The following ROBO2 variants were observed in gnomAD, a reference collection of about 807,000 sequenced individuals.
ROBO2 encodes roundabout homolog 2.
Under a neutral mutation model 160.8 loss-of-function variants are expected in ROBO2, and 53 were observed. The observed-to-expected ratio is 0.33, with a 90% CI of 0.26 to 0.41. ROBO2 has a LOEUF of 0.41. Among genes scored for constraint, ROBO2 ranks in the 10% least tolerant of loss-of-function variants. ROBO2 has a pLI of 1.00. For missense variants in ROBO2, 1,577 were observed against 1,722.4 expected, an observed-to-expected ratio of 0.92 and a Z score of 1.49; for synonymous variants, 664 against 611.7, an observed-to-expected ratio of 1.09 and a Z score of -1.26.
chr3:76,566,109 C>T (rs1039176303), intron 2 of ROBO2, among the ~76,000 whole-genome samples: 1 of 152,090 alleles, frequency 6.6e-6, no homozygotes, highest in African/African-American at 2.4e-5. Context: ...GTGTAGACTG[C>T]GTGTGAAGGC....
At chr3:77,247,742 T>C (rs2089895148) in intron 2 of ROBO2, among the ~76,000 whole-genome samples, 1 of 152,202 alleles carries the variant, frequency 6.6e-6, no homozygotes, top group African/African-American at 2.4e-5. Flanking sequence ...TTTCCCTTAG[T>C]ATCTCGAAGC....
At chr3:76,027,451 G>A (rs924538461) in intron 2 of ROBO2, among the ~76,000 whole-genome samples, 1 of 151,856 alleles carries the variant, frequency 6.6e-6, no homozygotes, top group East Asian at 1.9e-4. Flanking sequence ...CAAGGGGCAG[G>A]GAAGTGAGCA....
chr3:76,214,908 C>A (rs903650522), intron 2 of ROBO2, among the ~76,000 whole-genome samples: 2 of 152,144 alleles, frequency 1.3e-5, no homozygotes, highest in Admixed American at 6.5e-5. Context: ...TGGGAGGCAC[C>A]CCTCAGTATG....
chr3:76,048,096 C>T (rs777079828), intron 2 of ROBO2, among the ~76,000 whole-genome samples: 7 of 151,924 alleles, frequency 4.6e-5, no homozygotes, highest in Middle Eastern at 3.2e-3. Flanking sequence ...ATTTAGTCAT[C>T]GTAAAACATT....
At chr3:77,625,671 C>G (rs528466813) in intron 23 of ROBO2, among the ~76,000 whole-genome samples, 1 of 152,228 alleles carries the variant, frequency 6.6e-6, no homozygotes, top group Admixed American at 6.5e-5. Context: ...CCACTGCGGC[C>G]GGCCCATGCA....
At chr3:76,191,287 C>T (rs146738480) in intron 2 of ROBO2, among the ~76,000 whole-genome samples, 14 of 152,180 alleles carry the variant, frequency 9.2e-5, no homozygotes, top group East Asian at 7.7e-4. Context: ...TCTCTTCATA[C>T]GTGAAACTCC....
intron 2 of ROBO2, among the ~76,000 whole-genome samples, chr3:77,278,146 G>T (rs2060015335): frequency 6.6e-6 from 1 of 152,020 alleles, no homozygotes; most frequent in South Asian, 2.1e-4. Context: ...TTATATTTTG[G>T]TTCTTATAGA....
At chr3:77,498,578 G>T (rs1448855516) in intron 5 of ROBO2, among the ~76,000 whole-genome samples, 1 of 151,196 alleles carries the variant, frequency 6.6e-6, no homozygotes, top group Non-Finnish European at 1.5e-5. Flanking sequence ...GATTCTTTAA[G>T]AAAAGAAACT....
rs549683888 is a variant in ROBO2, at chr3:76,478,962, C to T, written c.109+541360C>T. On this transcript the variant is annotated intron_variant, in intron 2 of 26. Transcript: ENST00000487694. Reference sequence around the variant, plus strand: ...ACAGGTGTGAACCATCACATCCAGCCTAACTTCACACACTGTTAACTAGAA... The same window carrying T: ...ACAGGTGTGAACCATCACATCCAGCTTAACTTCACACACTGTTAACTAGAA... 2.6e-5 allele frequency among the ~76,000 whole-genome samples: 4 copies of T among 152,156 alleles called. No homozygotes were observed. The South Asian group carries it at 8.3e-4, about 32-fold the overall frequency.
chr3:76,448,600 C>T lies in ROBO2; in HGVS notation c.109+510998C>T, dbSNP rs140293423. On this transcript the variant is annotated intron_variant, in intron 2 of 26. Transcript: ENST00000487694. The stretch of plus-strand genomic sequence containing the variant: ...CTCTATAACTGTTACTAAACAGTTC[C>T]ATGGATATTCATTTCATAGCCATTA... 9.9e-4 allele frequency among the ~76,000 whole-genome samples: 151 copies of T among 152,254 alleles called. 2 individuals carry two copies. In the East Asian group the frequency reaches 0.023, roughly 23 times the overall value.
At chr3:77,457,004 C>T (rs1052858474) in intron 2 of ROBO2, among the ~76,000 whole-genome samples, 1 of 152,146 alleles carries the variant, frequency 6.6e-6, no homozygotes, top group Non-Finnish European at 1.5e-5. Context: ...TCAGATAAAC[C>T]TTGCTATTTG....
intron 8 of ROBO2, among the ~76,000 whole-genome samples, chr3:77,555,933 G>A (rs2093102131): frequency 6.6e-6 from 1 of 151,694 alleles, no homozygotes; most frequent in Non-Finnish European, 1.5e-5. Flanking sequence ...TTCAAAAGGT[G>A]ATGAGCTACT....
In ROBO2 at chr3:76,456,322, G is replaced by A. The variant is rs146269325; in HGVS notation, c.109+518720G>A. 6.4e-3 allele frequency among the ~76,000 whole-genome samples: 979 copies of A among 152,238 alleles called. 10 individuals carry two copies. Among genetic ancestry groups the A allele is most frequent in the Non-Finnish European group, 9.2e-3 (625 of 68,002 alleles). On this transcript the variant is annotated intron_variant, in intron 2 of 26. Transcript: ENST00000487694. The stretch of plus-strand genomic sequence containing the variant: ...GGTAGAAATTTAATGACATTCCATT[G>A]GTTTGTTCAATTTTTATTGTTCTAA...
At chr3:76,403,820 T>G (rs2077984515) in intron 2 of ROBO2, among the ~76,000 whole-genome samples, 1 of 151,654 alleles carries the variant, frequency 6.6e-6, no homozygotes, top group Non-Finnish European at 1.5e-5. Flanking sequence ...AATGTCAACA[T>G]TTTGCTCTGA....
chr3:76,939,645 G>T (rs1416346681), intron 2 of ROBO2, among the ~76,000 whole-genome samples: 1 of 152,082 alleles, frequency 6.6e-6, no homozygotes. Context: ...TTAGCCAGGC[G>T]TGGTGATGCA....
intron 6 of ROBO2, among the ~76,000 whole-genome samples, chr3:77,530,342 A>T (rs752426449): frequency 7.9e-5 from 12 of 151,996 alleles, no homozygotes; most frequent in Non-Finnish European, 1.5e-4. Context: ...TACTCACTGG[A>T]TGAAACTTCT....
chr3:76,596,304 G>A (rs1175179713), intron 2 of ROBO2, among the ~76,000 whole-genome samples: 1 of 152,072 alleles, frequency 6.6e-6, no homozygotes, highest in Non-Finnish European at 1.5e-5. Context: ...CAGTATTATT[G>A]TGTTAATACA....
At chr3:77,594,708 G>A (rs1019002112) in intron 17 of ROBO2, among the ~76,000 whole-genome samples, 2 of 152,078 alleles carry the variant, frequency 1.3e-5, no homozygotes, top group Non-Finnish European at 2.9e-5. Context: ...TTAGAACGAC[G>A]TAACATGTTG....
intron 2 of ROBO2, among the ~76,000 whole-genome samples, chr3:76,172,237 A>T (rs1350164556): frequency 1.4e-5 from 2 of 146,332 alleles, no homozygotes; most frequent in African/African-American, 5.0e-5. Context: ...GAATTGAACA[A>T]TGAGAACACA....
Sources: gnomAD v4.1 joint callset for allele counts (sites outside exome capture counted in the v4.1 genomes callset) on GRCh38, gnomAD v4.1.1 for gene constraint, MANE v1.5 for transcripts, NCBI Gene and HGNC (gene_info 2026-07-23, HGNC 2026-07-21) for gene names.